The following CATSPERT variants were observed in gnomAD, a reference collection of about 807,000 sequenced individuals.
The protein encoded by CATSPERT is cation channel sperm-associated targeting subunit tau.
chr2:201,602,684 A>T, the CATSPERT span, among the ~76,000 whole-genome samples: 2 of 152,178 alleles, frequency 1.3e-5, no homozygotes, highest in Non-Finnish European at 2.9e-5. Flanking sequence ...CACATCAAAA[A>T]GTCCACTTTA....
the CATSPERT span, among the ~76,000 whole-genome samples, chr2:201,496,239 A>G: frequency 6.6e-6 from 1 of 152,336 alleles, no homozygotes; most frequent in East Asian, 1.9e-4. Flanking sequence ...AGTAAAAATA[A>G]AATAGAATTG....
chr2:201,519,187 C>T, the CATSPERT span, among the ~76,000 whole-genome samples: 1 of 152,050 alleles, frequency 6.6e-6, no homozygotes, highest in Non-Finnish European at 1.5e-5. Flanking sequence ...GAAACTTTGC[C>T]CACCACCAGC....
the CATSPERT span, among the ~76,000 whole-genome samples, chr2:201,608,885 A>T: frequency 6.6e-6 from 1 of 151,696 alleles, no homozygotes; most frequent in African/African-American, 2.4e-5. Context: ...AGAAAAATGC[A>T]AAAAAGTTGA....
chr2:201,603,104 T>C, the CATSPERT span: 1 of 789,212 alleles, frequency 1.3e-6, no homozygotes, highest in African/African-American at 1.8e-5. Flanking sequence ...CAGTAGTGAT[T>C]GATGATAAAA....
the CATSPERT span, among the ~76,000 whole-genome samples, chr2:201,584,942 A>G: frequency 1.3e-5 from 2 of 152,308 alleles, no homozygotes; most frequent in African/African-American, 4.8e-5. Flanking sequence ...AAAATATATA[A>G]CACACACAGA....
chr2:201,615,896 A>G, the CATSPERT span, among the ~76,000 whole-genome samples: 1 of 152,258 alleles, frequency 6.6e-6, no homozygotes, highest in African/African-American at 2.4e-5. Context: ...TCCCACAGAA[A>G]TACAAACTAC....
the CATSPERT span, among the ~76,000 whole-genome samples, chr2:201,541,029 A>T: frequency 6.6e-6 from 1 of 152,214 alleles, no homozygotes; most frequent in African/African-American, 2.4e-5. Context: ...AGAGAAAGTA[A>T]CTACAGATGT....
At chr2:201,614,964 G>A in the CATSPERT span, among the ~76,000 whole-genome samples, 1 of 152,088 alleles carries the variant, frequency 6.6e-6, no homozygotes, top group Non-Finnish European at 1.5e-5. Flanking sequence ...AGACAAAGAA[G>A]GACATTACAT....
At chr2:201,519,232 C>A in the CATSPERT span, among the ~76,000 whole-genome samples, 2 of 152,172 alleles carry the variant, frequency 1.3e-5, no homozygotes, top group Non-Finnish European at 2.9e-5. Context: ...ACTCTCCCAA[C>A]CTAGGCCACT....
At chr2:201,595,731 G>C in the CATSPERT span, among the ~76,000 whole-genome samples, 3 of 152,112 alleles carry the variant, frequency 2.0e-5, no homozygotes, top group Non-Finnish European at 2.9e-5. Context: ...AGAGGTTACT[G>C]CTGTCTTTTT....
At chr2:201,563,371 ACCCCCCCACCTCCCTCCCGGACGGGGCG>A in the CATSPERT span, among the ~76,000 whole-genome samples, 2 of 72,436 alleles carry the variant, frequency 2.8e-5, no homozygotes, top group African/African-American at 5.7e-5. Context: ...GGGGGGCTTG[ACCCCCCCACCTCCCTCCCGGACGGGGCG>A]GCTGGCCGGG....
the CATSPERT span, chr2:201,603,423 C>A: frequency 3.2e-6 from 2 of 621,714 alleles, no homozygotes; most frequent in Non-Finnish European, 5.2e-6. Flanking sequence ...TGAAAAATAT[C>A]TAGTTAATAG....
the CATSPERT span, chr2:201,554,430 G>A: frequency 2.0e-5 from 3 of 152,042 alleles, no homozygotes; most frequent in Admixed American, 6.6e-5. Flanking sequence ...CCAGTGACAC[G>A]ATATTCTAAA....
At chr2:201,586,035 G>A in the CATSPERT span, among the ~76,000 whole-genome samples, 2 of 152,072 alleles carry the variant, frequency 1.3e-5, no homozygotes, top group African/African-American at 2.4e-5. Flanking sequence ...ATGTGAAAAC[G>A]ACAAGAATGA....
the CATSPERT span, among the ~76,000 whole-genome samples, chr2:201,539,331 A>G: frequency 6.6e-6 from 1 of 151,884 alleles, no homozygotes; most frequent in Non-Finnish European, 1.5e-5. Context: ...GGCATCTGTT[A>G]TTTTTTGACT....
the CATSPERT span, among the ~76,000 whole-genome samples, chr2:201,581,112 G>A: frequency 1.3e-5 from 2 of 151,890 alleles, no homozygotes; most frequent in Non-Finnish European, 2.9e-5. Context: ...ACTTTTATTT[G>A]CAAATTTAAA....
the CATSPERT span, among the ~76,000 whole-genome samples, chr2:201,528,977 A>G: frequency 6.6e-6 from 1 of 152,160 alleles, no homozygotes; most frequent in African/African-American, 2.4e-5. Flanking sequence ...GCTAAAAAAG[A>G]AATCAAGGAG....
the CATSPERT span, among the ~76,000 whole-genome samples, chr2:201,587,950 A>C: frequency 6.6e-6 from 1 of 152,204 alleles, no homozygotes; most frequent in Admixed American, 6.6e-5. Flanking sequence ...AACCAGGAAG[A>C]AACTGAATCC....
At chr2:201,593,961 G>C in the CATSPERT span, among the ~76,000 whole-genome samples, 2 of 152,090 alleles carry the variant, frequency 1.3e-5, no homozygotes, top group South Asian at 2.1e-4. Flanking sequence ...TTTAATTGGA[G>C]CATTTAGTCC....
Sources: allele counts gnomAD v4.1 joint callset (sites outside exome capture counted in the v4.1 genomes callset), GRCh38; gene constraint gnomAD v4.1.1; transcripts MANE v1.5; gene names NCBI Gene and HGNC (gene_info 2026-07-23, HGNC 2026-07-21).